Variants in ADAMTS16 observed in about 807,000 individuals in gnomAD.
ADAMTS16 encodes the protein ADAM metallopeptidase with thrombospondin type 1 motif 16.
In ADAMTS16, 94 loss-of-function variants were observed where a neutral mutation model predicts 145.8. The ratio of observed to expected loss-of-function variants is 0.64; its 90% CI spans 0.55 to 0.77. The LOEUF (loss-of-function observed/expected upper bound fraction) is 0.77, where lower values mean the gene tolerates loss of function less well. Ranked by LOEUF, ADAMTS16 falls within the 30% of genes least tolerant of loss-of-function variation. The probability of loss-of-function intolerance (pLI) is 0.00; values close to 1 mark genes in which losing one functional copy is unlikely to be tolerated. For missense variants in ADAMTS16, 1,585 were observed against 1,591.5 expected, an observed-to-expected ratio of 1.00 and a Z score of 0.07; for synonymous variants, 659 against 604.3, an observed-to-expected ratio of 1.09 and a Z score of -1.33.
chr5:5,307,881 G>A (rs10035263), intron 21 of ADAMTS16, among the ~76,000 whole-genome samples: 1,923 of 152,216 alleles, frequency 0.013, 44 homozygotes, highest in African/African-American at 0.044. Context: ...CCTGCCCGGC[G>A]CCCTCTGCTC....
At chr5:5,252,786 C>A (rs1316943915) in intron 17 of ADAMTS16, among the ~76,000 whole-genome samples, 2 of 152,150 alleles carry the variant, frequency 1.3e-5, no homozygotes, top group East Asian at 1.9e-4. Flanking sequence ...CAGTTTCCGT[C>A]CCCCTATGCA....
intron 10 of ADAMTS16, among the ~76,000 whole-genome samples, chr5:5,221,589 A>G (rs1032664222): frequency 2.6e-5 from 4 of 152,224 alleles, no homozygotes; most frequent in Non-Finnish European, 1.5e-5. Context: ...TAAAACACTG[A>G]ACGTTTACTT....
chr5:5,195,283 G>T (rs1015622732), intron 8 of ADAMTS16, among the ~76,000 whole-genome samples: 1 of 152,222 alleles, frequency 6.6e-6, no homozygotes, highest in African/African-American at 2.4e-5. Context: ...AGGACATGTG[G>T]TTTGCTAAGG....
intron 3 of ADAMTS16, among the ~76,000 whole-genome samples, chr5:5,166,538 T>C (rs774329522): frequency 1.3e-5 from 2 of 152,204 alleles, no homozygotes; most frequent in Non-Finnish European, 2.9e-5. Context: ...GCGGGAGTCC[T>C]GGGCTGTATT....
At chr5:5,157,380 T>C (rs1734628744) in intron 3 of ADAMTS16, among the ~76,000 whole-genome samples, 1 of 151,302 alleles carries the variant, frequency 6.6e-6, no homozygotes, top group South Asian at 2.1e-4. Flanking sequence ...AGCAGTTTTG[T>C]AGCAAAAATA....
At chr5:5,208,093 T>C (rs73039922) in intron 9 of ADAMTS16, among the ~76,000 whole-genome samples, 9,146 of 152,248 alleles carry the variant, frequency 0.06, 918 homozygotes, top group African/African-American at 0.21. Context: ...TTGTAGAGAA[T>C]TGGTATAAGT....
chr5:5,313,554 C>T (rs1184875759), intron 21 of ADAMTS16, among the ~76,000 whole-genome samples: 1 of 152,182 alleles, frequency 6.6e-6, no homozygotes, highest in Non-Finnish European at 1.5e-5. Context: ...ACAGGGTGTG[C>T]CCTCAGTGCT....
intron 3 of ADAMTS16, among the ~76,000 whole-genome samples, chr5:5,149,579 C>A (rs1734395285): frequency 6.6e-6 from 1 of 152,188 alleles, no homozygotes; most frequent in Admixed American, 6.5e-5. Flanking sequence ...TTAATTAGCT[C>A]TATTCATTTA....
intron 18 of ADAMTS16, among the ~76,000 whole-genome samples, chr5:5,298,857 T>C (rs1277687897): frequency 1.3e-5 from 2 of 152,196 alleles, no homozygotes; most frequent in Non-Finnish European, 2.9e-5. Flanking sequence ...GTCTGCAGTG[T>C]GTGAGTATCT....
chr5:5,200,329 T>C, intron 9 of ADAMTS16, 60 bp downstream of exon 9: 1 of 1,599,074 alleles, frequency 6.3e-7, no homozygotes, highest in Non-Finnish European at 8.5e-7. Context: ...CACTGCCTGG[T>C]CAGCCAGATC....
chr5:5,196,349 T>A (rs999806573), intron 8 of ADAMTS16, among the ~76,000 whole-genome samples: 2 of 152,112 alleles, frequency 1.3e-5, no homozygotes, highest in South Asian at 4.1e-4. Flanking sequence ...CTTTCAGTAT[T>A]TGATGATGAC....
rs1306315552 is a variant in ADAMTS16 at position 5,269,538 on chromosome 5, G to T, written c.2789+6755G>T. On this transcript the variant is annotated intron_variant, in intron 18 of 22. Coordinates refer to ENST00000274181, the MANE Select transcript of ADAMTS16 (RefSeq NM_139056.4). The surrounding 1 kb of genome is among the most constrained non-coding windows in gnomAD (Gnocchi z 4.3). The stretch of plus-strand genomic sequence containing the variant: ...CCTGGGACCTCAGACTAAAGAGAAG[G>T]AAGCAATGACCAGCCCTTCCTCTTG... Among the ~76,000 whole-genome samples, 3 of 152,106 alleles carry T rather than the reference G, an allele frequency of 2.0e-5. No individual in the cohort carries two copies. The highest frequency in any genetic ancestry group is 4.4e-5 in the Non-Finnish European group (3 of 68,016).
At chr5:5,185,402 A>G (rs1735468987) in intron 4 of ADAMTS16, among the ~76,000 whole-genome samples, 1 of 152,226 alleles carries the variant, frequency 6.6e-6, no homozygotes, top group Non-Finnish European at 1.5e-5. Flanking sequence ...TGTTAACCTA[A>G]CAATTATACA....
chr5:5,252,089 T>C (rs920960145), intron 17 of ADAMTS16, among the ~76,000 whole-genome samples: 7 of 152,282 alleles, frequency 4.6e-5, no homozygotes, highest in Admixed American at 2.0e-4. Context: ...GACTTCGTGA[T>C]CCGCCCGCCT....
At chr5:5,256,798 A>G (rs1055410106) in intron 17 of ADAMTS16, among the ~76,000 whole-genome samples, 2 of 152,224 alleles carry the variant, frequency 1.3e-5, no homozygotes, top group African/African-American at 4.8e-5. Flanking sequence ...AAAACAGGAA[A>G]CCAAACTGAA....
chr5:5,235,999 C>T (rs1441639216), intron 13 of ADAMTS16, among the ~76,000 whole-genome samples: 1 of 152,160 alleles, frequency 6.6e-6, no homozygotes, highest in African/African-American at 2.4e-5. Flanking sequence ...CCCTTTACTC[C>T]TAAATCTGTA....
At chr5:5,254,415 C>A (rs907310026) in intron 17 of ADAMTS16, among the ~76,000 whole-genome samples, 1 of 152,008 alleles carries the variant, frequency 6.6e-6, no homozygotes, top group East Asian at 1.9e-4. Flanking sequence ...TTATTTCTGA[C>A]CTTAATGGGA....
At chr5:5,191,545 G>A (rs1158152110) in intron 7 of ADAMTS16, 140 bp from the exon 8 acceptor site, 16 of 659,528 alleles carry the variant, frequency 2.4e-5, no homozygotes, top group South Asian at 4.9e-5. Flanking sequence ...CCCTTTATAC[G>A]GTTGTCTAAG....
In ADAMTS16 at chr5:5,319,609, T is replaced by C. The variant is rs1734204083; in HGVS notation, c.*471T>C. ...GGAGGGCCCCTCGAGCCATCAGGAG[T>C]GACCAACTTCCTGGGTGGAGGTCAG... On this transcript the variant is annotated 3_prime_UTR_variant, in exon 23 of 23. Transcript: ENST00000274181. 2 of 327,536 alleles carry C rather than the reference T, an allele frequency of 6.1e-6. No homozygotes were observed. The highest frequency in any genetic ancestry group is 1.2e-5 in the Non-Finnish European group (2 of 170,422). 20.3% of individuals were successfully genotyped at this position (327,536 alleles called of 1,614,324 possible).
Sources: allele counts gnomAD v4.1 joint callset (sites outside exome capture counted in the v4.1 genomes callset), GRCh38; gene constraint gnomAD v4.1.1; non-coding constraint Gnocchi (gnomAD v3.1); transcripts MANE v1.5; gene names NCBI Gene and HGNC (gene_info 2026-07-23, HGNC 2026-07-21).